Variants in RARB observed in about 807,000 individuals in gnomAD.
RARB encodes retinoic acid receptor beta, also known as HBV-activated protein.
RARB carries 17 observed loss-of-function variants against 51.9 expected under a neutral mutation model. That is an observed-to-expected ratio of 0.33 (90% confidence interval 0.22 to 0.49). The LOEUF is 0.49. Ranked by LOEUF, RARB falls within the 20% of genes least tolerant of loss-of-function variation. RARB has a pLI of 0.99. For missense variants in RARB, 369 were observed against 550.8 expected (o/e 0.67, Z 3.30); for synonymous variants, 215 against 195.4 (o/e 1.10, Z -0.84).
chr3:25,520,194 A>C (rs993383563), intron 3 of RARB, among the ~76,000 whole-genome samples: 1 of 152,206 alleles, frequency 6.6e-6, no homozygotes, highest in African/African-American at 2.4e-5. Context: ...AGTTTTGCCA[A>C]CCCTTGCCAT....
intron 3 of RARB, among the ~76,000 whole-genome samples, chr3:25,084,399 T>C (rs1223683350): frequency 6.6e-6 from 1 of 152,144 alleles, no homozygotes; most frequent in African/African-American, 2.4e-5. Flanking sequence ...TGGAAGTATA[T>C]ACACAAGTGT....
chr3:24,872,820 T>C (rs1055880590), intron 2 of RARB, among the ~76,000 whole-genome samples: 4 of 152,194 alleles, frequency 2.6e-5, no homozygotes, highest in Non-Finnish European at 5.9e-5. Flanking sequence ...ACCTTCTCTG[T>C]ATAGACTTCT....
intron 1 of RARB, among the ~76,000 whole-genome samples, chr3:24,853,730 G>A (rs150636446): frequency 3.4e-4 from 52 of 152,288 alleles, no homozygotes; most frequent in African/African-American, 1.3e-3. Flanking sequence ...CTTAAACAGG[G>A]CCATTGAATC....
intron 2 of RARB, among the ~76,000 whole-genome samples, chr3:25,054,958 T>C (rs1480959112): frequency 1.3e-5 from 2 of 152,134 alleles, no homozygotes; most frequent in African/African-American, 2.4e-5. Context: ...GAAAATAAAA[T>C]AATTGTGAAT....
At chr3:24,917,562 G>A (rs1173682097) in intron 2 of RARB, among the ~76,000 whole-genome samples, 1 of 152,220 alleles carries the variant, frequency 6.6e-6, no homozygotes, top group African/African-American at 2.4e-5. Flanking sequence ...ACACAGGCTT[G>A]CTCTGTCACC....
chr3:25,052,358 A>T (rs1575137437), intron 2 of RARB, among the ~76,000 whole-genome samples: 1 of 152,334 alleles, frequency 6.6e-6, no homozygotes, highest in East Asian at 1.9e-4. Flanking sequence ...AGATACAGAG[A>T]AGTACAATTG....
At chr3:25,155,210 G>A (rs1366851671) in intron 4 of RARB, among the ~76,000 whole-genome samples, 2 of 151,810 alleles carry the variant, frequency 1.3e-5, no homozygotes, top group Middle Eastern at 3.4e-3. Context: ...TTTCTTCCAT[G>A]CTCTCTGTTC....
intron 4 of RARB, among the ~76,000 whole-genome samples, chr3:25,172,142 G>C (rs898251297): frequency 1.3e-5 from 2 of 152,180 alleles, no homozygotes; most frequent in Non-Finnish European, 2.9e-5. Context: ...TGTTGACACT[G>C]TTCGTTTTTA....
chr3:25,461,078 C>G, intron 1 of RARB, 115 bp from the exon 2 acceptor site: 1 of 1,228,902 alleles, frequency 8.1e-7, no homozygotes, highest in Non-Finnish European at 1.1e-6. Context: ...TGAGCCCATT[C>G]TTGCTAGTGT....
intron 3 of RARB, among the ~76,000 whole-genome samples, chr3:25,097,309 T>A (rs140483643): frequency 4.2e-4 from 64 of 152,248 alleles, no homozygotes; most frequent in African/African-American, 1.5e-3. Context: ...AGAAGCAGCA[T>A]GGTTTAAAAT....
rs1358222530 is a variant in RARB at position 24,989,949 on chromosome 3, G to A, written c.-379-70176G>A. 2.1e-5 allele frequency among the ~76,000 whole-genome samples: 2 copies of A among 96,038 alleles called. 1 individual carries two copies. Among genetic ancestry groups the A allele is most frequent in the Non-Finnish European group, 4.1e-5 (2 of 49,110 alleles). 63.0% of individuals were successfully genotyped at this position (96,038 alleles called of 152,430 possible). Reference sequence around the variant, plus strand: ...CGAGTAGCTGGGACTACAGGCGCCCGCCACCGCGCCCGGCTAATTTTTTGT... The same window carrying A: ...CGAGTAGCTGGGACTACAGGCGCCCACCACCGCGCCCGGCTAATTTTTTGT... On this transcript the variant is annotated intron_variant, in intron 2 of 11. Coordinates refer to the RARB transcript ENST00000383772.
chr3:25,244,544 T>A (rs1053608892), intron 5 of RARB, among the ~76,000 whole-genome samples: 3 of 152,214 alleles, frequency 2.0e-5, no homozygotes, highest in African/African-American at 7.2e-5. Context: ...AGAACTTATT[T>A]ATTTCTGCCT....
chr3:25,075,932 C>T (rs1328539223), intron 3 of RARB, among the ~76,000 whole-genome samples: 6 of 151,740 alleles, frequency 4.0e-5, no homozygotes. Context: ...TCTGTTTGTG[C>T]CATTAGATGT....
At chr3:25,421,353 G>A (rs557999423) in intron 5 of RARB, among the ~76,000 whole-genome samples, 3 of 150,222 alleles carry the variant, frequency 2.0e-5, no homozygotes, top group Non-Finnish European at 3.0e-5. Flanking sequence ...AATATGTATC[G>A]GACTTCATTT....
intron 1 of RARB, among the ~76,000 whole-genome samples, chr3:24,839,718 AAGGG>A (rs67060077): frequency 0.46 from 30,215 of 65,664 alleles, 2,938 homozygotes; most frequent in East Asian, 0.62. Context: ...AAAAAAAAAA[AAGGG>A]GGGGGGGGTG....
chr3:25,007,531 G>A (rs1575116058), intron 2 of RARB, among the ~76,000 whole-genome samples: 2 of 137,486 alleles, frequency 1.5e-5, no homozygotes. Context: ...GGAGGCAGAG[G>A]TTGCAGTGAG....
intron 2 of RARB, among the ~76,000 whole-genome samples, chr3:24,912,037 C>A (rs1187972186): frequency 1.3e-5 from 2 of 152,194 alleles, no homozygotes; most frequent in Non-Finnish European, 1.5e-5. Flanking sequence ...GACCTCAGAA[C>A]CATTTTTAGC....
chr3:25,415,611 C>G (rs1478309871), intron 5 of RARB, among the ~76,000 whole-genome samples: 1 of 152,174 alleles, frequency 6.6e-6, no homozygotes, highest in Non-Finnish European at 1.5e-5. Flanking sequence ...GAGTTAAAAA[C>G]ACAAGGTCTG....
At chr3:24,845,283 CT>C (rs1396547009) in intron 1 of RARB, among the ~76,000 whole-genome samples, 1 of 152,110 alleles carries the variant, frequency 6.6e-6, no homozygotes, top group Non-Finnish European at 1.5e-5. Context: ...ATTTCAGTGG[CT>C]TAATAAAATT....
Sources: gnomAD v4.1 joint callset for allele counts (sites outside exome capture counted in the v4.1 genomes callset) on GRCh38, gnomAD v4.1.1 for gene constraint, MANE v1.5 for transcripts, NCBI Gene and HGNC (gene_info 2026-07-23, HGNC 2026-07-21) for gene names.